The following SHISA9 variants were observed in gnomAD, a reference collection of about 807,000 sequenced individuals.
SHISA9 encodes the protein protein shisa-9.
Under a neutral mutation model 38.0 loss-of-function variants are expected in SHISA9, and 13 were observed. That is an observed-to-expected ratio of 0.34 (90% CI 0.22 to 0.54). The LOEUF is 0.54. Ranked by LOEUF, SHISA9 falls within the 20% of genes least tolerant of loss-of-function variation. SHISA9 has a pLI of 0.91. For synonymous variants in SHISA9, 275 were observed against 242.0 expected (o/e 1.14, Z -1.27); for missense variants, 538 against 575.8 (o/e 0.93, Z 0.67).
At chr16:13,264,090 G>A in the SHISA9 span, among the ~76,000 whole-genome samples, 1 of 151,758 alleles carries the variant, frequency 6.6e-6, no homozygotes, top group African/African-American at 2.4e-5. Context: ...AGTATGTCTT[G>A]CTTTATGGGT....
At chr16:13,285,973 A>T in the SHISA9 span, among the ~76,000 whole-genome samples, 1 of 152,188 alleles carries the variant, frequency 6.6e-6, no homozygotes, top group Non-Finnish European at 1.5e-5. Flanking sequence ...AAAAATCACT[A>T]AGCTAAAGGG....
At chr16:12,994,179 G>C (rs1291463600) in intron 2 of SHISA9, among the ~76,000 whole-genome samples, 1 of 152,148 alleles carries the variant, frequency 6.6e-6, no homozygotes, top group Non-Finnish European at 1.5e-5. Flanking sequence ...TAGACGATTG[G>C]AAGGGCTGAG....
chr16:13,140,704 G>C (rs2050394801), intron 2 of SHISA9, among the ~76,000 whole-genome samples: 1 of 152,184 alleles, frequency 6.6e-6, no homozygotes, highest in Non-Finnish European at 1.5e-5. Context: ...ATCAATTACT[G>C]TGACAAGTGC....
intron 2 of SHISA9, among the ~76,000 whole-genome samples, chr16:13,099,876 G>A (rs1263488901): frequency 1.3e-5 from 2 of 152,292 alleles, no homozygotes; most frequent in South Asian, 2.1e-4. Flanking sequence ...GGGAGCTGGA[G>A]AAAAATCCAG....
the SHISA9 span, among the ~76,000 whole-genome samples, chr16:13,524,578 C>T: frequency 2.2e-4 from 34 of 152,158 alleles, no homozygotes; most frequent in Admixed American, 7.2e-4. Context: ...AAAATTTTTT[C>T]GAAACAGTCT....
the SHISA9 span, chr16:13,331,374 A>G: frequency 6.6e-6 from 1 of 151,234 alleles, no homozygotes; most frequent in South Asian, 2.1e-4. Context: ...CCTCTTTAAT[A>G]TGATTTTTAA....
chr16:13,113,708 T>C (rs1728230412), intron 2 of SHISA9, among the ~76,000 whole-genome samples: 1 of 152,142 alleles, frequency 6.6e-6, no homozygotes, highest in Admixed American at 6.5e-5. Context: ...GTCCTGAAAA[T>C]TACTGGCCTC....
chr16:13,544,773 T>C, the SHISA9 span, among the ~76,000 whole-genome samples: 1 of 152,080 alleles, frequency 6.6e-6, no homozygotes, highest in East Asian at 1.9e-4. Context: ...TGAAACCCTG[T>C]CTTTACTAAA....
the SHISA9 span, among the ~76,000 whole-genome samples, chr16:13,398,454 C>G: frequency 6.6e-6 from 1 of 151,172 alleles, no homozygotes; most frequent in Non-Finnish European, 1.5e-5. Flanking sequence ...TCGTCTTCCA[C>G]TTGATCTCAT....
chr16:13,245,787 A>G, the SHISA9 span, among the ~76,000 whole-genome samples: 1 of 152,180 alleles, frequency 6.6e-6, no homozygotes, highest in Non-Finnish European at 1.5e-5. Flanking sequence ...TCTCCCTGGA[A>G]TGAGGCTAGA....
chr16:13,301,411 G>C, the SHISA9 span, among the ~76,000 whole-genome samples: 3 of 152,194 alleles, frequency 2.0e-5, no homozygotes, highest in African/African-American at 7.2e-5. Context: ...ACATAATGCT[G>C]CTGTTGCTGG....
intron 2 of SHISA9, among the ~76,000 whole-genome samples, chr16:12,978,350 AT>A (rs1161591188): frequency 2.0e-5 from 3 of 152,204 alleles, no homozygotes; most frequent in African/African-American, 4.8e-5. Context: ...ATGATAGCCG[AT>A]TTATATAGAG....
chr16:13,135,321 C>T (rs946802204), intron 2 of SHISA9, among the ~76,000 whole-genome samples: 7 of 152,200 alleles, frequency 4.6e-5, no homozygotes, highest in African/African-American at 9.7e-5. Flanking sequence ...CACCTGGATC[C>T]TTCTTCAAAA....
At chr16:13,338,790 C>G in the SHISA9 span, among the ~76,000 whole-genome samples, 1 of 152,088 alleles carries the variant, frequency 6.6e-6, no homozygotes. Context: ...GCTCTCCTGG[C>G]ACTTTGAATA....
At chr16:13,466,479 A>G in the SHISA9 span, among the ~76,000 whole-genome samples, 2 of 152,320 alleles carry the variant, frequency 1.3e-5, no homozygotes, top group East Asian at 3.9e-4. Context: ...TTAGGAATGA[A>G]GGTTTGGGTC....
intron 2 of SHISA9, among the ~76,000 whole-genome samples, chr16:13,076,459 T>C (rs527271484): frequency 1.3e-5 from 2 of 152,290 alleles, no homozygotes; most frequent in East Asian, 3.9e-4. Flanking sequence ...ACTTTTTAGT[T>C]AGCCCACTTC....
chr16:13,357,037 T>G, the SHISA9 span, among the ~76,000 whole-genome samples: 1 of 151,992 alleles, frequency 6.6e-6, no homozygotes, highest in African/African-American at 2.4e-5. Context: ...GGTGGAAGCT[T>G]ACCTATAGTG....
chr16:13,229,490 G>A (rs1046810424), intron 4 of SHISA9, among the ~76,000 whole-genome samples: 1 of 152,156 alleles, frequency 6.6e-6, no homozygotes, highest in Non-Finnish European at 1.5e-5. Flanking sequence ...AACGACAGAG[G>A]CTATCCCTGT....
At chr16:13,512,153 G>C in the SHISA9 span, among the ~76,000 whole-genome samples, 4 of 152,054 alleles carry the variant, frequency 2.6e-5, no homozygotes, top group Non-Finnish European at 5.9e-5. Context: ...TTAGAACAAA[G>C]CTCAAGAATA....
Sources: gnomAD v4.1 joint callset for allele counts (sites outside exome capture counted in the v4.1 genomes callset) on GRCh38, gnomAD v4.1.1 for gene constraint, MANE v1.5 for transcripts, NCBI Gene and HGNC (gene_info 2026-07-23, HGNC 2026-07-21) for gene names.